LRCH2: variants seen among roughly 807,000 people sequenced by gnomAD.
LRCH2 encodes the protein leucine-rich repeat and calponin homology domain-containing protein 2.
LRCH2 carries 38 observed loss-of-function variants against 68.9 expected under a neutral mutation model. The ratio of observed to expected loss-of-function variants is 0.55; its 90% CI spans 0.43 to 0.72. The LOEUF is 0.72. LRCH2 is among the 30% of genes least tolerant of loss of function. LRCH2 has a pLI of 0.00. For synonymous variants in LRCH2, 191 were observed against 208.1 expected, an observed-to-expected ratio of 0.92 and a Z score of 0.71; for missense variants, 528 against 572.9, an observed-to-expected ratio of 0.92 and a Z score of 0.80.
intron 1 of LRCH2, among the ~76,000 whole-genome samples, chrX:115,205,665 A>G (rs1258469930): frequency 2.7e-5 from 3 of 112,154 alleles, no homozygotes; most frequent in African/African-American, 9.7e-5. Context: ...TCAGCTGGGC[A>G]TGGTGGCTCA....
chrX:115,224,746 T>G (rs1258298787), intron 1 of LRCH2, among the ~76,000 whole-genome samples: 1 of 109,285 alleles, frequency 9.2e-6, no homozygotes, highest in Non-Finnish European at 1.9e-5. Context: ...AGGCCCTTGG[T>G]CCCTAAAGTT....
intron 1 of LRCH2, among the ~76,000 whole-genome samples, chrX:115,208,623 C>T (rs138425716): frequency 1.5e-3 from 167 of 111,826 alleles, no homozygotes; most frequent in African/African-American, 5.1e-3. Context: ...GGTCTATCTG[C>T]GGCCCATTGA....
intron 14 of LRCH2, among the ~76,000 whole-genome samples, chrX:115,146,121 T>A (rs2072380252): frequency 1.8e-5 from 2 of 111,057 alleles, no homozygotes; most frequent in Non-Finnish European, 3.8e-5. Flanking sequence ...AGAAGGAGAG[T>A]CTGTCATTTG....
intron 5 of LRCH2, among the ~76,000 whole-genome samples, chrX:115,170,835 A>C (rs2082034161): frequency 8.9e-6 from 1 of 111,740 alleles, no homozygotes; most frequent in Non-Finnish European, 1.9e-5. Flanking sequence ...TCTCATCAGA[A>C]CCACTAAGAT....
chrX:115,123,849 CTA>C (rs2072163687), intron 17 of LRCH2, 94 bp downstream of exon 17: 1 of 500,250 alleles, frequency 2.0e-6, no homozygotes, highest in Non-Finnish European at 3.1e-6. Context: ...GGGAAAGAAT[CTA>C]TGTGTACTTA....
At chrX:115,210,199 G>C (rs1556569543) in intron 1 of LRCH2, among the ~76,000 whole-genome samples, 1 of 111,846 alleles carries the variant, frequency 8.9e-6, no homozygotes, top group African/African-American at 3.2e-5. Flanking sequence ...GGGCATGTCA[G>C]AGGTCTTCAC....
At chrX:115,191,893 T>C in intron 1 of LRCH2, 1 of 1,161,296 alleles carries the variant, frequency 8.6e-7, no homozygotes, top group Non-Finnish European at 1.1e-6. Flanking sequence ...AGGAGGCCGC[T>C]ACGAGGAGAA....
intron 1 of LRCH2, among the ~76,000 whole-genome samples, chrX:115,194,720 A>G (rs1024873252): frequency 2.7e-5 from 3 of 112,026 alleles, no homozygotes; most frequent in African/African-American, 9.7e-5. Flanking sequence ...TGTGGAAGAA[A>G]TGAGAGGAAA....
In LRCH2 at chrX:115,190,836, C is replaced by T. The variant is rs1186218973; in HGVS notation, c.350-2466G>A. The T allele has an allele frequency of 7.8e-6, 9 of 1,152,963 alleles. No individual in the cohort carries two copies. In the African/African-American group the frequency reaches 1.1e-4, roughly 14 times the overall value. ...ACAGTTCCAGCTGGAGCGACTGCTG[C>T]GGAGGAGGAGGCCGTTATGAGGAGT... On this transcript the variant is annotated intron_variant, in intron 1 of 20. Transcript: ENST00000317135.
chrX:115,201,209 C>A (rs992622126), intron 1 of LRCH2, among the ~76,000 whole-genome samples: 1 of 111,130 alleles, frequency 9.0e-6, no homozygotes, highest in Admixed American at 9.6e-5. Context: ...GAAAGACCCA[C>A]CCCCATGATT....
chrX:115,114,527 T>C (rs2072066934), intron 20 of LRCH2, among the ~76,000 whole-genome samples: 1 of 109,336 alleles, frequency 9.1e-6, no homozygotes, highest in Non-Finnish European at 1.9e-5. Context: ...CAAAAAACAA[T>C]AGATAAAAAA....
intron 1 of LRCH2, among the ~76,000 whole-genome samples, chrX:115,209,716 G>A (rs1357454390): frequency 1.8e-5 from 2 of 112,074 alleles, no homozygotes. Flanking sequence ...AAGAAGGCAG[G>A]AAAATGTGGG....
At chrX:115,170,193 G>A (rs1023898175) in intron 6 of LRCH2, 106 bp downstream of exon 6, 6 of 775,352 alleles carry the variant, frequency 7.7e-6, no homozygotes, top group Non-Finnish European at 1.0e-5. Flanking sequence ...TTTTAGTGCT[G>A]GACCAATCAG....
Position 115,170,466 on chromosome X carries a change from T to C in LRCH2, c.865-34A>G, listed in dbSNP as rs782387572. 6 of 1,000,420 alleles carry C rather than the reference T, an allele frequency of 6.0e-6. No individual in the cohort carries two copies. In the Admixed American group the frequency reaches 2.2e-4, roughly 37 times the overall value. The allele number at this position is 1,000,420 out of a possible 1,213,427, so 82.4% of individuals were successfully genotyped here. ...AAAAAATAAAGATTTAATTATATAG[T>C]TCCAAATATAAATGACATCTATCAT... is the stretch of plus-strand genomic sequence containing the variant. On this transcript the variant is annotated intron_variant, in intron 5 of 20. Coordinates refer to ENST00000317135, the MANE Select transcript of LRCH2 (RefSeq NM_020871.4).
intron 14 of LRCH2, among the ~76,000 whole-genome samples, chrX:115,143,409 A>T (rs1433833742): frequency 1.8e-5 from 2 of 111,395 alleles, no homozygotes; most frequent in African/African-American, 6.5e-5. Context: ...TAGACACATA[A>T]AACCTACCAA....
chrX:115,140,955 A>G (rs2072332303), intron 14 of LRCH2, among the ~76,000 whole-genome samples: 1 of 111,283 alleles, frequency 9.0e-6, no homozygotes, highest in South Asian at 3.8e-4. Flanking sequence ...ACTTGAGGCC[A>G]GGCGTGGTAG....
chrX:115,175,569 A>T (rs1487466063), intron 5 of LRCH2, among the ~76,000 whole-genome samples: 3 of 112,240 alleles, frequency 2.7e-5, no homozygotes, highest in Non-Finnish European at 5.6e-5. Context: ...TCTGAATTGA[A>T]TCGAAGCATA....
intron 11 of LRCH2, among the ~76,000 whole-genome samples, chrX:115,161,922 G>A (rs889244162): frequency 8.7e-5 from 8 of 91,882 alleles, no homozygotes; most frequent in South Asian, 6.0e-4. Context: ...AAATGGATAG[G>A]CCTGTCGGTT....
intron 14 of LRCH2, among the ~76,000 whole-genome samples, chrX:115,133,658 T>A (rs1320344501): frequency 2.7e-5 from 3 of 111,481 alleles, no homozygotes; most frequent in African/African-American, 9.8e-5. Context: ...ATCTGTGATA[T>A]TGATCTTTGA....
Sources: allele counts gnomAD v4.1 joint callset (sites outside exome capture counted in the v4.1 genomes callset), GRCh38; gene constraint gnomAD v4.1.1; transcripts MANE v1.5; gene names NCBI Gene and HGNC (gene_info 2026-07-23, HGNC 2026-07-21).